Variants in CATSPERB observed in about 807,000 individuals in gnomAD.
CATSPERB encodes cation channel sperm-associated auxiliary subunit beta.
CATSPERB carries 93 observed loss-of-function variants against 128.3 expected under a neutral mutation model. The observed-to-expected ratio is 0.72, with a 90% CI of 0.61 to 0.86. CATSPERB has a LOEUF of 0.86. CATSPERB is among the 40% of genes least tolerant of loss of function. The pLI is 0.00. For synonymous variants in CATSPERB, 381 were observed against 448.8 expected (o/e 0.85, Z 1.91); for missense variants, 1,153 against 1,329.5 (o/e 0.87, Z 2.06).
In CATSPERB at chr14:91,693,234, G is replaced by C; in HGVS notation, c.723C>G (p.Asp241Glu). The C allele has an allele frequency of 3.7e-6, 6 of 1,610,454 alleles. No individual in the cohort carries two copies. Among genetic ancestry groups the C allele is most frequent in the Non-Finnish European group, 5.1e-6 (6 of 1,177,072 alleles). The change falls in exon 9 of 27, where the codon GAC becomes GAG. Residue 241 changes from aspartate (D) to glutamate (E), a missense_variant. By Grantham distance (45) the Asp-to-Glu change is conservative. Transcript: ENST00000256343. ...IYSQLQEEYEDLSLVDMVLTN... is the reference protein window; with the variant it reads ...IYSQLQEEYEELSLVDMVLTN... Reference sequence around the variant, plus strand: ...TTAAAACCATATCCACCAATGAAAGGTCTTCATATTCTAAACGAAGAAATC... The same window carrying C: ...TTAAAACCATATCCACCAATGAAAGCTCTTCATATTCTAAACGAAGAAATC...
chr14:91,589,037 T>C (rs1347491249), intron 24 of CATSPERB, among the ~76,000 whole-genome samples: 1 of 152,232 alleles, frequency 6.6e-6, no homozygotes, highest in Non-Finnish European at 1.5e-5. Flanking sequence ...AAAAGTTACA[T>C]ATCTGAGGTA....
intron 14 of CATSPERB, among the ~76,000 whole-genome samples, chr14:91,660,619 C>A (rs1348522643): frequency 1.3e-5 from 2 of 152,062 alleles, no homozygotes; most frequent in Non-Finnish European, 2.9e-5. Context: ...CTTTTAATAG[C>A]CTGAGACTCA....
chr14:91,646,568 C>T (rs756296476), intron 15 of CATSPERB, among the ~76,000 whole-genome samples: 17 of 152,196 alleles, frequency 1.1e-4, no homozygotes, highest in Admixed American at 1.3e-4. Context: ...CAAGGGCCAC[C>T]GTGGTATGAA....
intron 21 of CATSPERB, among the ~76,000 whole-genome samples, chr14:91,609,254 C>T (rs1052495245): frequency 3.3e-5 from 5 of 151,904 alleles, no homozygotes; most frequent in African/African-American, 9.7e-5. Flanking sequence ...GTACTTCCAG[C>T]ACCACTTCAT....
intron 15 of CATSPERB, among the ~76,000 whole-genome samples, chr14:91,639,960 T>C (rs1894461483): frequency 6.6e-6 from 1 of 152,150 alleles, no homozygotes; most frequent in Non-Finnish European, 1.5e-5. Flanking sequence ...TCACTATCTT[T>C]GGAGATCTCA....
intron 22 of CATSPERB, chr14:91,603,456 G>A: frequency 6.8e-7 from 1 of 1,468,194 alleles, no homozygotes; most frequent in Non-Finnish European, 9.5e-7. Flanking sequence ...TACCAGATGA[G>A]TGGGCAAATT....
intron 21 of CATSPERB, among the ~76,000 whole-genome samples, chr14:91,608,922 C>T (rs1490798920): frequency 2.0e-5 from 3 of 152,054 alleles, no homozygotes; most frequent in African/African-American, 7.2e-5. Context: ...AACTTTTGAC[C>T]ACCCCAAAAC....
chr14:91,663,935 ACAC>A (rs1222102938), intron 14 of CATSPERB, among the ~76,000 whole-genome samples: 1 of 152,150 alleles, frequency 6.6e-6, no homozygotes, highest in Non-Finnish European at 1.5e-5. Context: ...TGATGAACCT[ACAC>A]TGATACATCA....
intron 14 of CATSPERB, 59 bp downstream of exon 14, chr14:91,669,754 CA>C (rs1895052335): frequency 1.3e-6 from 2 of 1,486,382 alleles, no homozygotes; most frequent in Middle Eastern, 3.5e-4. Context: ...TACAGCCATG[CA>C]GCATACAGTA....
chr14:91,641,393 C>T (rs1894497368), intron 15 of CATSPERB, among the ~76,000 whole-genome samples: 1 of 151,416 alleles, frequency 6.6e-6, no homozygotes, highest in South Asian at 2.1e-4. Flanking sequence ...ATCTTTAATC[C>T]ATCTTGAATT....
chr14:91,699,964 G>C (rs1895619713), intron 7 of CATSPERB, among the ~76,000 whole-genome samples: 1 of 150,790 alleles, frequency 6.6e-6, no homozygotes, highest in Non-Finnish European at 1.5e-5. Flanking sequence ...TTTAAGTTCT[G>C]GTATACATGT....
chr14:91,705,656 A>AT (rs1470084550), intron 6 of CATSPERB, among the ~76,000 whole-genome samples: 1 of 151,996 alleles, frequency 6.6e-6, no homozygotes, highest in African/African-American at 2.4e-5. Flanking sequence ...TCACAACCCT[A>AT]TTTTTCAGTC....
At chr14:91,635,905 T>C in intron 17 of CATSPERB, 1 of 152,412 alleles carries the variant, frequency 6.6e-6, no homozygotes, top group Non-Finnish European at 1.5e-5. Context: ...CACATTTCTA[T>C]AGCTTGGCCT....
At chr14:91,699,401 C>A (rs12436477) in intron 7 of CATSPERB, among the ~76,000 whole-genome samples, 2,265 of 152,052 alleles carry the variant, frequency 0.015, 57 homozygotes, top group African/African-American at 0.051. Context: ...CCATCAAAAT[C>A]ACAACATCAT....
intron 14 of CATSPERB, among the ~76,000 whole-genome samples, chr14:91,665,319 G>A (rs1397929043): frequency 6.6e-6 from 1 of 152,064 alleles, no homozygotes; most frequent in African/African-American, 2.4e-5. Context: ...AGGAATTCTA[G>A]AACAAAAGAC....
chr14:91,693,338 G>C (rs1895502743), intron 8 of CATSPERB, 46 bp downstream of exon 8: 1 of 1,552,456 alleles, frequency 6.4e-7, no homozygotes, highest in Non-Finnish European at 8.9e-7. Context: ...ATCAAATATT[G>C]ATGTAAGTAA....
intron 14 of CATSPERB, among the ~76,000 whole-genome samples, chr14:91,663,849 A>G (rs987928902): frequency 3.3e-5 from 5 of 152,124 alleles, no homozygotes; most frequent in Non-Finnish European, 5.9e-5. Context: ...CAGTAGTGTT[A>G]CGTATATTTA....
At chr14:91,697,729 T>C (rs1895586755) in intron 7 of CATSPERB, among the ~76,000 whole-genome samples, 1 of 152,218 alleles carries the variant, frequency 6.6e-6, no homozygotes, top group Non-Finnish European at 1.5e-5. Context: ...TTCTGTTCCA[T>C]TGGTCTATGT....
chr14:91,691,760 G>A (rs1895475080), intron 9 of CATSPERB, among the ~76,000 whole-genome samples: 1 of 152,084 alleles, frequency 6.6e-6, no homozygotes, highest in Non-Finnish European at 1.5e-5. Context: ...AATATCCAGG[G>A]AATTTCCCCA....
Sources: allele counts gnomAD v4.1 joint callset (sites outside exome capture counted in the v4.1 genomes callset), GRCh38; gene constraint gnomAD v4.1.1; transcripts MANE v1.5; gene names NCBI Gene and HGNC (gene_info 2026-07-23, HGNC 2026-07-21).